The following ARHGEF9 variants were observed in gnomAD, a reference collection of about 807,000 sequenced individuals.
ARHGEF9 encodes Cdc42 guanine nucleotide exchange factor 9.
In ARHGEF9, 2 loss-of-function variants were observed where a neutral mutation model predicts 41.3. That is an observed-to-expected ratio of 0.05 (90% confidence interval 0.02 to 0.15). The LOEUF (loss-of-function observed/expected upper bound fraction) is 0.15, where lower values mean the gene tolerates loss of function less well. Ranked by LOEUF, ARHGEF9 falls within the 10% of genes least tolerant of loss-of-function variation. ARHGEF9 has a pLI of 1.00. For missense variants in ARHGEF9, 225 were observed against 424.7 expected (o/e 0.53, Z 4.13); for synonymous variants, 160 against 154.4 (o/e 1.04, Z -0.27).
intron 1 of ARHGEF9, among the ~76,000 whole-genome samples, chrX:63,742,295 C>T (rs1418078015): frequency 2.7e-5 from 3 of 111,788 alleles, no homozygotes; most frequent in African/African-American, 6.5e-5. Flanking sequence ...CAGAAGTACA[C>T]TGAAGGAACG....
chrX:63,772,195 T>C (rs2056217356), intron 1 of ARHGEF9, among the ~76,000 whole-genome samples: 1 of 112,163 alleles, frequency 8.9e-6, no homozygotes, highest in Non-Finnish European at 1.9e-5. Flanking sequence ...AGGGGTCATC[T>C]TCCTTGTTAC....
intron 1 of ARHGEF9, among the ~76,000 whole-genome samples, chrX:63,763,630 C>T (rs182839784): frequency 1.8e-5 from 2 of 110,736 alleles, no homozygotes; most frequent in Non-Finnish European, 3.8e-5. Context: ...TTAATGTCAT[C>T]GAGCCTCACT....
At chrX:63,740,038 G>C (rs2054858342) in intron 1 of ARHGEF9, among the ~76,000 whole-genome samples, 1 of 111,646 alleles carries the variant, frequency 9.0e-6, no homozygotes, top group Non-Finnish European at 1.9e-5. Flanking sequence ...GATTCTCTTA[G>C]AGCCAGAGCT....
chrX:63,697,436 G>A, intron 3 of ARHGEF9, 132 bp from the exon 4 acceptor site: 1 of 561,313 alleles, frequency 1.8e-6, no homozygotes, highest in South Asian at 2.9e-5. Flanking sequence ...TTTTTCATAT[G>A]AGGAAACTGA....
chrX:63,726,028 C>G (rs782225626), intron 1 of ARHGEF9, among the ~76,000 whole-genome samples: 1 of 112,232 alleles, frequency 8.9e-6, no homozygotes, highest in Non-Finnish European at 1.9e-5. Context: ...ACAACACATA[C>G]GAACACATAT....
At position 63,706,454 on chromosome X, in the gene ARHGEF9, G is replaced by A. The variant is rs1569481993; in HGVS notation, c.211-5C>T. The A allele has an allele frequency of 8.3e-7, 1 of 1,202,519 alleles. No individual in the cohort carries two copies. Among genetic ancestry groups the A allele is most frequent in the Non-Finnish European group, 1.1e-6 (1 of 891,585 alleles). Reference sequence around the variant, plus strand: ...ATCCTCCTGGTTCACCCAGAGCTGTGGAAGCAGGCAAAAGAAAAATAATGA... The same window carrying A: ...ATCCTCCTGGTTCACCCAGAGCTGTAGAAGCAGGCAAAAGAAAAATAATGA... On this transcript the variant is annotated splice_polypyrimidine_tract_variant and splice_region_variant and intron_variant, in intron 2 of 9. Coordinates refer to ENST00000671741, the MANE Select transcript of ARHGEF9 (RefSeq NM_001353921.2).
At chrX:63,754,164 A>G (rs2055830075) in intron 1 of ARHGEF9, 2 of 704,744 alleles carry the variant, frequency 2.8e-6, no homozygotes, top group African/African-American at 4.3e-5. Context: ...CGCCACATAG[A>G]TTAAAAATGC....
chrX:63,637,920 G>C lies in ARHGEF9; in HGVS notation c.*108C>G, dbSNP rs1210323160. On this transcript the variant is annotated 3_prime_UTR_variant, in exon 10 of 10. Transcript: ENST00000671741. ...TGTGTATGTGTACTCAAGGGTCTCT[G>C]TGTGTGTGTGTGTGTATAAATTTCA... 122 of 423,570 alleles carry C rather than the reference G, an allele frequency of 2.9e-4. No individual in the cohort carries two copies. The highest frequency in any genetic ancestry group is 2.0e-3 in the South Asian group (41 of 20,371). 34.9% of individuals were successfully genotyped at this position (423,570 alleles called of 1,213,427 possible). A position where few individuals can be genotyped will look rare whatever the true frequency, so the allele number is the denominator to read the frequency against.
intron 2 of ARHGEF9, among the ~76,000 whole-genome samples, chrX:63,721,095 G>C (rs1209797641): frequency 8.9e-6 from 1 of 111,844 alleles, no homozygotes; most frequent in Non-Finnish European, 1.9e-5. Context: ...TCTTGGCTAA[G>C]ATGGTTATTT....
chrX:63,717,432 G>C (rs1339680467), intron 2 of ARHGEF9, among the ~76,000 whole-genome samples: 1 of 112,317 alleles, frequency 8.9e-6, no homozygotes, highest in East Asian at 2.8e-4. Context: ...TGGCTGAATG[G>C]AGTGGGCCTT....
At chrX:63,708,530 G>C (rs12011504) in intron 2 of ARHGEF9, among the ~76,000 whole-genome samples, 68 of 111,870 alleles carry the variant, frequency 6.1e-4, no homozygotes, top group African/African-American at 1.9e-3. Flanking sequence ...AAAGACGAAG[G>C]CAACTGCAGC....
At chrX:63,743,835 G>C (rs1602663784) in intron 1 of ARHGEF9, among the ~76,000 whole-genome samples, 1 of 112,064 alleles carries the variant, frequency 8.9e-6, no homozygotes, top group South Asian at 3.8e-4. Flanking sequence ...GACAAAGTTA[G>C]TCTGCTCTTC....
chrX:63,637,781 T>C lies in ARHGEF9; in HGVS notation c.*247A>G. 3.4e-6 allele frequency: 1 copy of C among 291,810 alleles called. No individual in the cohort carries two copies. Among genetic ancestry groups the C allele is most frequent in the East Asian group, 5.3e-5 (1 of 18,933 alleles). The allele number at this position is 291,810 out of a possible 1,213,427, so 24.0% of individuals were successfully genotyped here. ...CACATGTTTGGAAGTCATTGGTACC[T>C]CTTCCTACCAACCACATATTTCACT... On this transcript the variant is annotated 3_prime_UTR_variant, in exon 10 of 10. Coordinates refer to ENST00000671741, the MANE Select transcript of ARHGEF9 (RefSeq NM_001353921.2).
intron 4 of ARHGEF9, among the ~76,000 whole-genome samples, chrX:63,694,165 G>A (rs1249154682): frequency 9.5e-6 from 1 of 104,858 alleles, no homozygotes; most frequent in Non-Finnish European, 1.9e-5. Flanking sequence ...CCTGGGTAAC[G>A]AAGCAAGACT....
At chrX:63,722,766 T>C (rs1268072957) in intron 2 of ARHGEF9, 3 of 112,049 alleles carry the variant, frequency 2.7e-5, no homozygotes, top group African/African-American at 9.8e-5. Flanking sequence ...ACATACCAGC[T>C]GTATGCGTAC....
intron 2 of ARHGEF9, among the ~76,000 whole-genome samples, chrX:63,714,274 T>G (rs1252115075): frequency 8.9e-6 from 1 of 112,183 alleles, no homozygotes; most frequent in African/African-American, 3.2e-5. Context: ...TTCCCTACTC[T>G]TTTCTATCAT....
intron 6 of ARHGEF9, among the ~76,000 whole-genome samples, chrX:63,668,887 T>A (rs2147280717): frequency 8.9e-6 from 1 of 111,791 alleles, no homozygotes; most frequent in South Asian, 3.7e-4. Flanking sequence ...CCAAACCACA[T>A]TAGAATGATG....
Position 63,724,827 on chromosome X carries a change from T to C in ARHGEF9, c.31-116A>G, listed in dbSNP as rs1556416050. The C allele has an allele frequency of 1.2e-5, 9 of 743,000 alleles. No homozygotes were observed. In the South Asian group the frequency reaches 1.9e-4, roughly 15 times the overall value. 61.2% of individuals were successfully genotyped at this position (743,000 alleles called of 1,213,427 possible). A position where few individuals can be genotyped will look rare whatever the true frequency, so the allele number is the denominator to read the frequency against. On this transcript the variant is annotated intron_variant, in intron 1 of 9. Coordinates refer to ENST00000671741, the MANE Select transcript of ARHGEF9 (RefSeq NM_001353921.2). ...ACTCATATACTCAAGTGGTGAGAGA[T>C]AGGGGTGAGGGGGATGGCACTGGAA...
intron 2 of ARHGEF9, among the ~76,000 whole-genome samples, chrX:63,714,305 C>T (rs1460650616): frequency 8.9e-6 from 1 of 112,406 alleles, no homozygotes; most frequent in East Asian, 2.8e-4. Context: ...TCCCTGGCTT[C>T]TCTGAAAACC....
Sources: allele counts gnomAD v4.1 joint callset (sites outside exome capture counted in the v4.1 genomes callset), GRCh38; gene constraint gnomAD v4.1.1; transcripts MANE v1.5; gene names NCBI Gene and HGNC (gene_info 2026-07-23, HGNC 2026-07-21).